The following MAP3K6 variants were observed in gnomAD, a reference collection of about 807,000 sequenced individuals.
MAP3K6 encodes the protein apoptosis signal-regulating kinase 2.
Under a neutral mutation model 147.1 loss-of-function variants are expected in MAP3K6, and 105 were observed. The observed-to-expected ratio is 0.71, with a 90% CI of 0.61 to 0.84. The LOEUF is 0.84. Among genes scored for constraint, MAP3K6 ranks in the 40% least tolerant of loss-of-function variants. The pLI is 0.00. For missense variants in MAP3K6, 1,569 were observed against 1,715.0 expected (o/e 0.91, Z 1.50); for synonymous variants, 695 against 732.4 (o/e 0.95, Z 0.82).
rs1206228212 is a variant in MAP3K6 at position 27,364,370 on chromosome 1, T to A, written c.529A>T (p.Ile177Phe). 1.2e-6 allele frequency: 2 copies of A among 1,613,834 alleles called. No homozygotes were observed. Among genetic ancestry groups the A allele is most frequent in the African/African-American group, 1.3e-5 (1 of 74,864 alleles). ...NSDCVGSYTLIPYVVTATGRV... is the reference protein window; with the variant it reads ...NSDCVGSYTLFPYVVTATGRV... ...CCAGTGGCCGTCACCACATAGGGGA[T>A]CAGTGTGTAGCTGCCAACGCAATCC... is the stretch of plus-strand genomic sequence containing the variant. The change falls in exon 4 of 29, where the codon ATC (isoleucine) becomes TTC (phenylalanine). Residue 177 changes from isoleucine to phenylalanine, a missense_variant. Coordinates refer to ENST00000357582, the MANE Select transcript of MAP3K6 (RefSeq NM_004672.5). This position sits in a 1 kb window ranked among gnomAD's most constrained non-coding sequence, Gnocchi z 4.4.
chr1:27,361,662 G>A, intron 10 of MAP3K6, 35 bp from the exon 11 acceptor site: 1 of 1,614,044 alleles, frequency 6.2e-7, no homozygotes, highest in East Asian at 2.2e-5. Flanking sequence ...CAGTCAGAAG[G>A]GGCTTACCCC....
chr1:27,360,990 C>A lies in MAP3K6; in HGVS notation c.1851G>T (p.Gln617His), dbSNP rs1278680038. 6.2e-7 allele frequency: 1 copy of A among 1,600,712 alleles called. No homozygotes were observed. Among genetic ancestry groups the A allele is most frequent in the Non-Finnish European group, 8.5e-7 (1 of 1,173,256 alleles). ...TGGAATCCGGGTTCGTCACCCAGGC[C>A]TGGATCAGGCCGCAGAACCTGAAGG... ...GHCQWFCGLI[Q>H]AWVTNPDSTA... Residue 617 changes from glutamine (Q) to histidine (H), a missense_variant, in exon 14 of 29, where the codon CAG becomes CAT. Physicochemically the swap from Gln to His is conservative, Grantham distance 24 (BLOSUM62 0). Coordinates refer to ENST00000357582, the MANE Select transcript of MAP3K6 (RefSeq NM_004672.5). The surrounding 1 kb of genome is among the most constrained non-coding windows in gnomAD (Gnocchi z 4.5).
At chr1:27,363,760 T>A (rs1423984434) in intron 5 of MAP3K6, among the ~76,000 whole-genome samples, 157 bp downstream of exon 5, 3 of 152,234 alleles carry the variant, frequency 2.0e-5, no homozygotes, top group Non-Finnish European at 1.5e-5. Context: ...GGCAGCGACA[T>A]GCTCATCCTC....
rs1298757580 is a variant in MAP3K6 at position 27,355,793 on chromosome 1, G to A, written c.3712-48C>T. 3.2e-6 allele frequency: 5 copies of A among 1,570,872 alleles called. No homozygotes were observed. In the African/African-American group the frequency reaches 5.4e-5, roughly 17 times the overall value. On this transcript the variant is annotated intron_variant, in intron 27 of 28. Coordinates refer to ENST00000357582, the MANE Select transcript of MAP3K6 (RefSeq NM_004672.5). ...AGAAAGAGGGAAATAAGAAATTACA[G>A]AAAGATGTGTCGAGACCCAGGTACT...
chr1:27,364,162 C>T lies in MAP3K6; in HGVS notation c.695+42G>A. The T allele has an allele frequency of 6.2e-7, 1 of 1,600,064 alleles. No homozygotes were observed. Among genetic ancestry groups the T allele is most frequent in the Non-Finnish European group, 8.5e-7 (1 of 1,173,338 alleles). ...TCAGCCCCAGCCCACCATACCCTCA[C>T]CAGCCCCCTCCTGGAGCACCCTCCC... On this transcript the variant is annotated intron_variant, in intron 4 of 28. Coordinates refer to ENST00000357582, the MANE Select transcript of MAP3K6 (RefSeq NM_004672.5). The surrounding 1 kb of genome is among the most constrained non-coding windows in gnomAD (Gnocchi z 4.4).
Position 27,357,855 on chromosome 1 carries a change from G to A in MAP3K6, c.2937C>T (p.Ala979=), listed in dbSNP as rs746719445. 7.5e-6 allele frequency: 12 copies of A among 1,594,924 alleles called. No homozygotes were observed. Among genetic ancestry groups the A allele is most frequent in the Non-Finnish European group, 1.0e-5 (12 of 1,174,836 alleles). ...SQLRVPEEPA[A]EEPASPEESS... is the part of the protein sequence containing the mutation. ...TCTCCTCCGGAGACGCAGGCTCCTC[G>A]GCCGCAGGCTCCTCGGGCACCCTGG... Residue 979 remains alanine, a synonymous_variant, in exon 22 of 29, where the codon GCC becomes GCT. Coordinates refer to ENST00000357582, the MANE Select transcript of MAP3K6 (RefSeq NM_004672.5).
chr1:27,361,354 G>A lies in MAP3K6; in HGVS notation c.1728C>T (p.Cys576=), dbSNP rs150092112. The change falls in exon 12 of 29, where the codon TGC becomes TGT. Residue 576 remains cysteine, a synonymous_variant. Transcript: ENST00000357582. ...SSWTFPVASI[C]GVSASKRDER... Reference sequence around the variant, plus strand: ...CAGGTCCCGCCTATCACCTGACTCCGCATATGGAGGCGACTGGGAAGGTCC... The same window carrying A: ...CAGGTCCCGCCTATCACCTGACTCCACATATGGAGGCGACTGGGAAGGTCC... The A allele has an allele frequency of 5.9e-5, 96 of 1,613,758 alleles. No homozygotes were observed. The highest frequency in any genetic ancestry group is 7.3e-5 in the Non-Finnish European group (86 of 1,179,970).
At position 27,359,270 on chromosome 1, in the gene MAP3K6, C is replaced by T; in HGVS notation, c.2425+147G>A. 1 of 1,164,390 alleles carries T rather than the reference C, an allele frequency of 8.6e-7. No homozygotes were observed. 72.1% of individuals were successfully genotyped at this position (1,164,390 alleles called of 1,614,324 possible). On this transcript the variant is annotated intron_variant, in intron 18 of 28. Coordinates refer to ENST00000357582, the MANE Select transcript of MAP3K6 (RefSeq NM_004672.5). The surrounding 1 kb of genome is among the most constrained non-coding windows in gnomAD (Gnocchi z 4.4). The stretch of plus-strand genomic sequence containing the variant: ...GCTCCAGTTCCAGATGCCACCACCT[C>T]AGCCCTGGCCCAATCACTCACCCTG...
rs771781251 is a variant in MAP3K6, at chr1:27,356,063, A to T, written c.3674T>A (p.Leu1225Gln). 2 of 1,614,190 alleles carry T rather than the reference A, an allele frequency of 1.2e-6. No homozygotes were observed. The highest frequency in any genetic ancestry group is 1.7e-6 in the Non-Finnish European group (2 of 1,180,040). ...GCCTGAATCCACATTCAGTTCCTGT[A>T]GCCACTGCACCAGGCCCTGGTCCGT... ...LSTDQGLVQW[L>Q]QELNVDSGTI... Residue 1225 changes from leucine (L) to glutamine (Q), a missense_variant, in exon 27 of 29, where the codon CTA becomes CAA. Leu to Gln is a moderately radical substitution (Grantham distance 113). Coordinates refer to ENST00000357582, the MANE Select transcript of MAP3K6 (RefSeq NM_004672.5).
chr1:27,362,149 C>A lies in MAP3K6; in HGVS notation c.1357G>T (p.Asp453Tyr). The A allele has an allele frequency of 1.2e-6, 2 of 1,613,726 alleles. No homozygotes were observed. Among genetic ancestry groups the A allele is most frequent in the Non-Finnish European group, 1.7e-6 (2 of 1,179,976 alleles). The change falls in exon 9 of 29, where the codon GAC becomes TAC. Residue 453 changes from aspartate to tyrosine, a missense_variant. Coordinates refer to ENST00000357582, the MANE Select transcript of MAP3K6 (RefSeq NM_004672.5). ...FYLGAQILAN[D>Y]PTQVVLAAEQ... ...GCAGCCAGCACCACCTGGGTGGGGT[C>A]ATTGGCGAGGATCTGGGCTCCCAGG...
chr1:27,363,978 C>T lies in MAP3K6; in HGVS notation c.803G>A (p.Ser268Asn), dbSNP rs780593837. The T allele has an allele frequency of 3.1e-6, 5 of 1,610,630 alleles. No homozygotes were observed. The Admixed American group carries it at 8.3e-5, about 27-fold the overall frequency. Residue 268 changes from serine to asparagine, a missense_variant, in exon 5 of 29, where the codon AGC becomes AAC. Ser to Asn is a conservative substitution (Grantham distance 46). Coordinates refer to ENST00000357582, the MANE Select transcript of MAP3K6 (RefSeq NM_004672.5). ...GATGTCGGGGCTCAGCAGCTCCACGCTGTCCAGTCTCCGCTGCAGGCGAGC... is the reference window on the plus strand; with the variant it reads ...GATGTCGGGGCTCAGCAGCTCCACGTTGTCCAGTCTCCGCTGCAGGCGAGC... ...ELARLQRRLD[S>N]VELLSPDIIM...
rs1461570231 is a variant in MAP3K6 at position 27,359,616 on chromosome 1, G to A, written c.2320-94C>T. 2 of 1,557,878 alleles carry A rather than the reference G, an allele frequency of 1.3e-6. No homozygotes were observed. The highest frequency in any genetic ancestry group is 1.9e-4 in the Middle Eastern group (1 of 5,204). ...TCCCATCTCCTGGAGATCCCAGCCTGGTCCTGCCTCTGTCAACACTCTCCC... is the reference window on the plus strand; with the variant it reads ...TCCCATCTCCTGGAGATCCCAGCCTAGTCCTGCCTCTGTCAACACTCTCCC... On this transcript the variant is annotated intron_variant, in intron 17 of 28. Transcript: ENST00000357582. The surrounding 1 kb of genome is among the most constrained non-coding windows in gnomAD (Gnocchi z 4.4).
rs560853902 is a variant in MAP3K6 at position 27,362,890 on chromosome 1, C to G, written c.1103G>C (p.Gly368Ala). ...CTCCCGGTGCCCAGCATCCTGGAAA[C>G]CCGAGCTGAAGAACATGTCCTTGTA... ...RIYKDMFFSS[G>A]FQDAGHREQA... Residue 368 changes from glycine (G) to alanine (A), a missense_variant, in exon 7 of 29, where the codon GGT becomes GCT. Physicochemically the swap from Gly to Ala is moderately conservative, Grantham distance 60 (BLOSUM62 0). Transcript: ENST00000357582. 1 of 1,614,166 alleles carries G rather than the reference C, an allele frequency of 6.2e-7. No homozygotes were observed. Among genetic ancestry groups the G allele is most frequent in the South Asian group, 1.1e-5 (1 of 91,084 alleles).
intron 27 of MAP3K6, 136 bp downstream of exon 27, chr1:27,355,890 T>C (rs1362519573): frequency 8.9e-7 from 1 of 1,122,742 alleles, no homozygotes; most frequent in Admixed American, 2.0e-5. Context: ...ATCCATACAA[T>C]GGGACGAGAA....
intron 27 of MAP3K6, 112 bp from the exon 28 acceptor site, chr1:27,355,857 C>G: frequency 1.7e-6 from 2 of 1,156,816 alleles, no homozygotes; most frequent in Non-Finnish European, 2.6e-6. Context: ...GCAGATCACA[C>G]CCTTCTGGGC....
chr1:27,362,634 T>C lies in MAP3K6; in HGVS notation c.1255+7A>G, dbSNP rs371678261. 5 of 1,565,734 alleles carry C rather than the reference T, an allele frequency of 3.2e-6. No individual in the cohort carries two copies. The highest frequency in any genetic ancestry group is 4.3e-6 in the Non-Finnish European group (5 of 1,152,006). ...GTGACGAGACAAGAGCCAGGATCTGTGCTCACCTATTAGCCGGAGCTCTTT... is the reference window on the plus strand; with the variant it reads ...GTGACGAGACAAGAGCCAGGATCTGCGCTCACCTATTAGCCGGAGCTCTTT... On this transcript the variant is annotated splice_region_variant and intron_variant, in intron 8 of 28. Transcript: ENST00000357582.
In MAP3K6 at chr1:27,362,097, G is replaced by A. The variant is rs1232401190; in HGVS notation, c.1409C>T (p.Pro470Leu). The A allele has an allele frequency of 6.2e-7, 1 of 1,610,306 alleles. No individual in the cohort carries two copies. The highest frequency in any genetic ancestry group is 1.7e-5 in the Admixed American group (1 of 59,562). The part of the protein sequence containing the change: ...AAEQLYKLNA[P>L]IWYLVSVMET... Reference sequence around the variant, plus strand: ...TGCAGAGGGGGCCACCTACCATATGGGGGCATTGAGCTTATACAGCTGCTC... The same window carrying A: ...TGCAGAGGGGGCCACCTACCATATGAGGGCATTGAGCTTATACAGCTGCTC... Residue 470 changes from proline to leucine, a missense_variant, in exon 9 of 29, where the codon CCC (proline) becomes CTC (leucine). Transcript: ENST00000357582.
Position 27,357,870 on chromosome 1 carries a change from G to C in MAP3K6, c.2922C>G (p.Pro974=), listed in dbSNP as rs558826571. 3.7e-5 allele frequency: 58 copies of C among 1,588,198 alleles called. No homozygotes were observed. In the African/African-American group the frequency reaches 7.0e-4, roughly 19 times the overall value. ...CAGGCTCCTCGGCCGCAGGCTCCTCGGGCACCCTGGGCACAAGGGCGAGCT... is the reference window on the plus strand; with the variant it reads ...CAGGCTCCTCGGCCGCAGGCTCCTCCGGCACCCTGGGCACAAGGGCGAGCT... ...SYGGTSQLRV[P]EEPAAEEPAS... The change falls in exon 22 of 29, where the codon CCC becomes CCG. Residue 974 remains proline (P), a synonymous_variant. Coordinates refer to ENST00000357582, the MANE Select transcript of MAP3K6 (RefSeq NM_004672.5).
Position 27,357,483 on chromosome 1 carries a change from G to GCGC in MAP3K6, c.3174_3175insGCG (p.Glu1058_Leu1059insAla), listed in dbSNP as rs1241216423. 6.2e-7 allele frequency: 1 copy of GCGC among 1,613,608 alleles called. No individual in the cohort carries two copies. On this transcript the variant is annotated inframe_insertion, in exon 23 of 29. Coordinates refer to ENST00000357582, the MANE Select transcript of MAP3K6 (RefSeq NM_004672.5). Reference sequence around the variant, plus strand: ...CTCAGCCGTCCTTGCAGCGCCCGCAGCTCCTGGGCGAGCTGCCGGCGGTTG... The same window carrying GCGC: ...CTCAGCCGTCCTTGCAGCGCCCGCAGCGCCTCCTGGGCGAGCTGCCGGCGGTTG...
Sources: allele counts gnomAD v4.1 joint callset (sites outside exome capture counted in the v4.1 genomes callset), GRCh38; gene constraint gnomAD v4.1.1; non-coding constraint Gnocchi (gnomAD v3.1); transcripts MANE v1.5; gene names NCBI Gene and HGNC (gene_info 2026-07-23, HGNC 2026-07-21).